ATOSA: variants seen among roughly 807,000 people sequenced by gnomAD.
ATOSA encodes the protein atos homolog A, also known as atos homolog protein A.
At chr15:52,618,534 T>C in the ATOSA span, among the ~76,000 whole-genome samples, 1 of 152,100 alleles carries the variant, frequency 6.6e-6, no homozygotes, top group African/African-American at 2.4e-5. Context: ...AAGAAAGAGG[T>C]ATTACCAGGA....
At chr15:52,626,825 A>G in the ATOSA span, among the ~76,000 whole-genome samples, 1 of 152,186 alleles carries the variant, frequency 6.6e-6, no homozygotes, top group Non-Finnish European at 1.5e-5. Flanking sequence ...GACAGAGTTC[A>G]GAGAGAACAT....
chr15:52,697,957 A>ATTTTTTTTTTTTTTTTTTTTT, the ATOSA span, among the ~76,000 whole-genome samples: 18 of 44,778 alleles, frequency 4.0e-4, 1 homozygote, highest in Non-Finnish European at 5.6e-4. Flanking sequence ...GGGATGTAGA[A>ATTTTTTTTTTTTTTTTTTTTT]TTTTTTTTTT....
At chr15:52,587,135 G>A in the ATOSA span, 9 of 1,612,884 alleles carry the variant, frequency 5.6e-6, no homozygotes, top group Non-Finnish European at 7.6e-6. Flanking sequence ...GCAATTGTAG[G>A]CTATAAAACA....
the ATOSA span, among the ~76,000 whole-genome samples, chr15:52,644,950 A>C: frequency 6.6e-6 from 1 of 152,242 alleles, no homozygotes; most frequent in South Asian, 2.1e-4. Flanking sequence ...AACTCAAACT[A>C]TACAAAGAAA....
chr15:52,620,177 G>A, the ATOSA span, among the ~76,000 whole-genome samples: 5 of 152,184 alleles, frequency 3.3e-5, no homozygotes, highest in Non-Finnish European at 4.4e-5. Context: ...GGGGTGATCC[G>A]TAGACAAAAT....
At chr15:52,611,805 G>C in the ATOSA span, 1 of 1,605,324 alleles carries the variant, frequency 6.2e-7, no homozygotes, top group East Asian at 2.2e-5. Flanking sequence ...TAAGCAAAAT[G>C]TCTCAAAAAC....
chr15:52,665,187 T>G, the ATOSA span, among the ~76,000 whole-genome samples: 1 of 152,200 alleles, frequency 6.6e-6, no homozygotes, highest in Non-Finnish European at 1.5e-5. Context: ...TGGGATCATC[T>G]GTATCCCAAA....
chr15:52,664,003 T>C, the ATOSA span, among the ~76,000 whole-genome samples: 1 of 152,212 alleles, frequency 6.6e-6, no homozygotes, highest in Non-Finnish European at 1.5e-5. Flanking sequence ...CAAATTTGAA[T>C]TCTATCCATC....
chr15:52,660,260 C>T, the ATOSA span, among the ~76,000 whole-genome samples: 1 of 152,194 alleles, frequency 6.6e-6, no homozygotes, highest in South Asian at 2.1e-4. Flanking sequence ...CAGATGTCAT[C>T]ACCACCCTTG....
chr15:52,623,403 G>C, the ATOSA span, among the ~76,000 whole-genome samples: 1 of 152,014 alleles, frequency 6.6e-6, no homozygotes, highest in Non-Finnish European at 1.5e-5. Context: ...AGTTGTCCAG[G>C]GTTGTAGGTA....
the ATOSA span, among the ~76,000 whole-genome samples, chr15:52,621,750 A>G: frequency 6.6e-6 from 1 of 152,164 alleles, no homozygotes. Flanking sequence ...CTCTCTAGCC[A>G]TGTGGAACTG....
At chr15:52,597,189 TATTCTATTCTATTCTATTCTATTC>T in the ATOSA span, among the ~76,000 whole-genome samples, 6 of 149,664 alleles carry the variant, frequency 4.0e-5, no homozygotes, top group Admixed American at 2.0e-4. Context: ...TATTCTATTC[TATTCTATTCTATTCTATTCTATTC>T]TATTCTATTC....
At chr15:52,661,874 TTAGA>T in the ATOSA span, among the ~76,000 whole-genome samples, 2 of 131,786 alleles carry the variant, frequency 1.5e-5, no homozygotes, top group African/African-American at 2.9e-5. Context: ...ACACACATGC[TTAGA>T]TAAACAATAT....
At chr15:52,583,706 A>G in the ATOSA span, among the ~76,000 whole-genome samples, 3 of 152,184 alleles carry the variant, frequency 2.0e-5, no homozygotes, top group Non-Finnish European at 4.4e-5. Context: ...TTTTAAAAAA[A>G]GTTTTCCAAG....
chr15:52,619,963 C>G, the ATOSA span, among the ~76,000 whole-genome samples: 1 of 152,008 alleles, frequency 6.6e-6, no homozygotes, highest in East Asian at 1.9e-4. Flanking sequence ...GGTGATTAAC[C>G]AATGAAAACA....
chr15:52,611,092 G>GAATACGCA, the ATOSA span: 2 of 1,577,230 alleles, frequency 1.3e-6, no homozygotes, highest in Non-Finnish European at 1.7e-6. Flanking sequence ...CAAGGTGGCT[G>GAATACGCA]AATACGCACT....
At chr15:52,641,981 T>C in the ATOSA span, among the ~76,000 whole-genome samples, 1 of 152,246 alleles carries the variant, frequency 6.6e-6, no homozygotes, top group African/African-American at 2.4e-5. Context: ...TTTCTAAATA[T>C]TCTAAACTAA....
the ATOSA span, among the ~76,000 whole-genome samples, chr15:52,693,932 T>C: frequency 6.6e-6 from 1 of 152,200 alleles, no homozygotes; most frequent in Non-Finnish European, 1.5e-5. Context: ...GTGTCTGCAC[T>C]ACTTAAATTG....
At chr15:52,663,913 A>G in the ATOSA span, among the ~76,000 whole-genome samples, 1 of 152,204 alleles carries the variant, frequency 6.6e-6, no homozygotes, top group Non-Finnish European at 1.5e-5. Flanking sequence ...ATATCAAAAA[A>G]GTTGGGAAAT....
Sources: gnomAD v4.1 joint callset for allele counts (sites outside exome capture counted in the v4.1 genomes callset) on GRCh38, gnomAD v4.1.1 for gene constraint, MANE v1.5 for transcripts, NCBI Gene and HGNC (gene_info 2026-07-23, HGNC 2026-07-21) for gene names.